Variants in ZNRF2 observed in about 807,000 individuals in gnomAD.
ZNRF2 encodes the protein zinc and ring finger 2, also known as E3 ubiquitin-protein ligase ZNRF2.
Under a neutral mutation model 20.4 loss-of-function variants are expected in ZNRF2, and 16 were observed. The observed-to-expected ratio is 0.79, with a 90% CI of 0.53 to 1.19. ZNRF2 has a LOEUF of 1.19. Among genes scored for constraint, ZNRF2 ranks in the 50% most tolerant of loss-of-function variants. ZNRF2 has a pLI of 0.00. For missense variants in ZNRF2, 363 were observed against 332.4 expected, an observed-to-expected ratio of 1.09 and a Z score of -0.72; for synonymous variants, 178 against 144.9, an observed-to-expected ratio of 1.23 and a Z score of -1.64.
rs71536219 is a variant in ZNRF2, at chr7:30,295,050, A to AGTGTGT, written c.469+9270_469+9275dup. Among the ~76,000 whole-genome samples, 306 of 38,286 alleles carry AGTGTGT rather than the reference A, an allele frequency of 8.0e-3. 10 individuals are homozygous for AGTGTGT. Among genetic ancestry groups the AGTGTGT allele is most frequent in the East Asian group, 0.017 (17 of 988 alleles). The allele number at this position is 38,286 out of a possible 152,430, so 25.1% of individuals were successfully genotyped here. A position where few individuals can be genotyped will look rare whatever the true frequency, so the allele number is the denominator to read the frequency against. On this transcript the variant is annotated intron_variant, in intron 1 of 4. Transcript: ENST00000323037. Reference sequence around the variant, plus strand: ...GAGAGAGAGAGAGAGAGAGAGAGAGAGTGTGTGTGTGTGTGTGTGTGTGTG... The same window carrying AGTGTGT: ...GAGAGAGAGAGAGAGAGAGAGAGAGAGTGTGTGTGTGTGTGTGTGTGTGTGTGTGTG...
In ZNRF2 at chr7:30,366,023, A is replaced by G. The variant is rs1054573291; in HGVS notation, c.*23-12A>G. On this transcript the variant is annotated splice_polypyrimidine_tract_variant and intron_variant, in intron 4 of 4. Coordinates refer to ENST00000323037, the MANE Select transcript of ZNRF2 (RefSeq NM_147128.4). Reference sequence around the variant, plus strand: ...TAAAGCAATGTTCATGGGGAAATCTATTTTTACACAGGTTTTCTTGTCTTG... The same window carrying G: ...TAAAGCAATGTTCATGGGGAAATCTGTTTTTACACAGGTTTTCTTGTCTTG... 4 of 152,236 alleles carry G rather than the reference A, an allele frequency of 2.6e-5. No individual in the cohort carries two copies. Among genetic ancestry groups the G allele is most frequent in the African/African-American group, 7.2e-5 (3 of 41,436 alleles). The allele number at this position is 152,236 out of a possible 1,614,324, so 9.4% of individuals were successfully genotyped here.
intron 4 of ZNRF2, among the ~76,000 whole-genome samples, chr7:30,364,779 T>C (rs1031019960): frequency 6.6e-6 from 1 of 152,204 alleles, no homozygotes; most frequent in Non-Finnish European, 1.5e-5. Flanking sequence ...ATTTGTCTTT[T>C]TAGTCTTTCT....
At chr7:30,297,288 T>C (rs58647432) in intron 1 of ZNRF2, among the ~76,000 whole-genome samples, 24,246 of 152,128 alleles carry the variant, frequency 0.16, 5,193 homozygotes, top group African/African-American at 0.49. Flanking sequence ...CTATGAGATC[T>C]GTCTTTTTTC....
At chr7:30,328,348 A>C (rs1438364488) in intron 2 of ZNRF2, among the ~76,000 whole-genome samples, 1 of 152,216 alleles carries the variant, frequency 6.6e-6, no homozygotes, top group Non-Finnish European at 1.5e-5. Flanking sequence ...GATACATCAG[A>C]TACATTGGGC....
At chr7:30,359,367 A>G (rs902954456) in intron 3 of ZNRF2, among the ~76,000 whole-genome samples, 1 of 152,226 alleles carries the variant, frequency 6.6e-6, no homozygotes, top group Admixed American at 6.5e-5. Context: ...TTGTTTTTCA[A>G]CACACATAAT....
chr7:30,361,679 G>A (rs1800129297), intron 3 of ZNRF2, among the ~76,000 whole-genome samples: 1 of 152,150 alleles, frequency 6.6e-6, no homozygotes, highest in Admixed American at 6.5e-5. Flanking sequence ...TTGCTGTTGA[G>A]TGCTTGAAAT....
At chr7:30,355,595 T>G in intron 2 of ZNRF2, 133 bp from the exon 3 acceptor site, 1 of 614,340 alleles carries the variant, frequency 1.6e-6, no homozygotes, top group African/African-American at 1.8e-5. Context: ...CGTGCTGAGT[T>G]TTATGTATTT....
chr7:30,292,103 C>T (rs1337551057), intron 1 of ZNRF2, among the ~76,000 whole-genome samples: 1 of 152,106 alleles, frequency 6.6e-6, no homozygotes, highest in Non-Finnish European at 1.5e-5. Flanking sequence ...TTGGAACATT[C>T]ATTTTTATAT....
chr7:30,340,363 A>T (rs1039989888), intron 2 of ZNRF2, among the ~76,000 whole-genome samples: 1 of 152,202 alleles, frequency 6.6e-6, no homozygotes, highest in Non-Finnish European at 1.5e-5. Flanking sequence ...TTGCCAATTC[A>T]TTATGATATT....
In ZNRF2 at chr7:30,298,497, T is replaced by A. The variant is rs183736180; in HGVS notation, c.469+12671T>A. The stretch of plus-strand genomic sequence containing the variant: ...ATTACTGTCTTTTCTCTTGGGCTGG[T>A]CATATTTTCCAGAAATGGCTTTTCT... On this transcript the variant is annotated intron_variant, in intron 1 of 4. Coordinates refer to ENST00000323037, the MANE Select transcript of ZNRF2 (RefSeq NM_147128.4). 6.3e-3 allele frequency among the ~76,000 whole-genome samples: 963 copies of A among 152,336 alleles called. 8 individuals are homozygous for A. The highest frequency in any genetic ancestry group is 5.5e-3 in the Non-Finnish European group (377 of 68,034).
At chr7:30,299,169 T>A (rs1361721327) in intron 1 of ZNRF2, among the ~76,000 whole-genome samples, 5 of 152,202 alleles carry the variant, frequency 3.3e-5, no homozygotes, top group African/African-American at 1.2e-4. Context: ...GGCTCACGCC[T>A]GTAATCCCAG....
chr7:30,350,981 G>T (rs1799953184), intron 2 of ZNRF2, among the ~76,000 whole-genome samples: 1 of 148,846 alleles, frequency 6.7e-6, no homozygotes, highest in South Asian at 2.1e-4. Context: ...AACAAATTCA[G>T]TCTTATTTGT....
intron 1 of ZNRF2, among the ~76,000 whole-genome samples, chr7:30,311,208 A>G (rs77918159): frequency 0.01 from 1,589 of 152,216 alleles, 27 homozygotes; most frequent in African/African-American, 0.036. Context: ...CTTGGAGTCA[A>G]TAGGGGTCCG....
At chr7:30,364,566 G>A (rs1215342311) in intron 4 of ZNRF2, among the ~76,000 whole-genome samples, 1 of 152,138 alleles carries the variant, frequency 6.6e-6, no homozygotes. Context: ...TTGAATATAT[G>A]TGCACATATG....
intron 1 of ZNRF2, among the ~76,000 whole-genome samples, chr7:30,294,083 GT>G (rs139980861): frequency 0.017 from 2,555 of 152,164 alleles, 72 homozygotes; most frequent in African/African-American, 0.058. Context: ...TGTGTAATAT[GT>G]TTCAGAGAGC....
At chr7:30,361,095 T>G (rs1800119468) in intron 3 of ZNRF2, among the ~76,000 whole-genome samples, 1 of 152,198 alleles carries the variant, frequency 6.6e-6, no homozygotes, top group East Asian at 1.9e-4. Flanking sequence ...TAAGGAGTAC[T>G]CATGTTAGCT....
intron 1 of ZNRF2, among the ~76,000 whole-genome samples, chr7:30,322,501 G>A (rs1275880652): frequency 6.6e-6 from 1 of 152,104 alleles, no homozygotes; most frequent in African/African-American, 2.4e-5. Context: ...GCTTCATGTG[G>A]CCTTCTTTCT....
At chr7:30,331,227 CAAAT>C (rs898738497) in intron 2 of ZNRF2, among the ~76,000 whole-genome samples, 3 of 151,974 alleles carry the variant, frequency 2.0e-5, no homozygotes, top group South Asian at 4.1e-4. Flanking sequence ...TGAAAAATGA[CAAAT>C]AAGGAGTGAG....
At chr7:30,297,025 A>C (rs1294781792) in intron 1 of ZNRF2, among the ~76,000 whole-genome samples, 1 of 152,216 alleles carries the variant, frequency 6.6e-6, no homozygotes, top group East Asian at 1.9e-4. Context: ...TGAAGTGTAC[A>C]GAATCTAATT....
Sources: gnomAD v4.1 joint callset for allele counts (sites outside exome capture counted in the v4.1 genomes callset) on GRCh38, gnomAD v4.1.1 for gene constraint, MANE v1.5 for transcripts, NCBI Gene and HGNC (gene_info 2026-07-23, HGNC 2026-07-21) for gene names.